Variants in FDFT1 observed in about 807,000 individuals in gnomAD.
FDFT1 encodes farnesyl-diphosphate farnesyltransferase 1, also known as squalene synthase.
In FDFT1, 68 loss-of-function variants were observed where a neutral mutation model predicts 46.8. The ratio of observed to expected loss-of-function variants is 1.45; its 90% CI spans 1.19 to 1.78. The LOEUF is 1.78. FDFT1 is among the 40% of genes most tolerant of loss of function. The pLI is 0.00. For missense variants in FDFT1, 928 were observed against 524.4 expected (o/e 1.77, Z -7.52); for synonymous variants, 351 against 185.1 (o/e 1.90, Z -7.28).
chr8:11,806,973 T>G (rs1488495800), intron 1 of FDFT1, among the ~76,000 whole-genome samples: 1 of 152,192 alleles, frequency 6.6e-6, no homozygotes, highest in Non-Finnish European at 1.5e-5. Context: ...ATTATGTGAT[T>G]TAAAAGATTG....
intron 1 of FDFT1, chr8:11,803,177 G>A (rs1041144896): frequency 1.4e-6 from 2 of 1,419,464 alleles, no homozygotes; most frequent in Non-Finnish European, 1.8e-6. Context: ...GTGGTTCCCG[G>A]TGGTTGCGCT....
At chr8:11,808,431 A>AGGGCGAGCCCGTCCCGCCCCTCGTC (rs1461244794) in intron 1 of FDFT1, 1 of 1,260,288 alleles carries the variant, frequency 7.9e-7, no homozygotes, top group African/African-American at 1.6e-5. Context: ...ATTCGAGTAG[A>AGGGCGAGCCCGTCCCGCCCCTCGTC]GGGCGAGCCC....
At chr8:11,823,056 G>A (rs1809483605) in intron 4 of FDFT1, among the ~76,000 whole-genome samples, 2 of 152,102 alleles carry the variant, frequency 1.3e-5, no homozygotes, top group African/African-American at 2.4e-5. Context: ...CTGGGCTCAG[G>A]TGATCCTCCC....
Position 11,830,510 on chromosome 8 carries a change from A to G in FDFT1, c.879+90A>G, listed in dbSNP as rs1407228818. On this transcript the variant is annotated intron_variant, in intron 6 of 7. Coordinates refer to ENST00000220584, the MANE Select transcript of FDFT1 (RefSeq NM_004462.5). ...ATTTTGCTGTGCTATATTCAAGGAT[A>G]TGATTCCTTAAAAAGACGATGACTC... The G allele has an allele frequency of 3.3e-6, 3 of 906,464 alleles. No individual in the cohort carries two copies. In the South Asian group the frequency reaches 4.6e-5, roughly 14 times the overall value. 56.2% of individuals were successfully genotyped at this position (906,464 alleles called of 1,614,324 possible). A position where few individuals can be genotyped will look rare whatever the true frequency, so the allele number is the denominator to read the frequency against.
intron 3 of FDFT1, among the ~76,000 whole-genome samples, chr8:11,818,537 G>C (rs1808781397): frequency 6.6e-6 from 1 of 152,104 alleles, no homozygotes; most frequent in Non-Finnish European, 1.5e-5. Context: ...TTATGAATCT[G>C]GGTGCTCCTG....
chr8:11,825,340 G>A (rs1158922418), intron 4 of FDFT1, among the ~76,000 whole-genome samples: 3 of 151,912 alleles, frequency 2.0e-5, no homozygotes, highest in Non-Finnish European at 2.9e-5. Flanking sequence ...TCAGGAGTTC[G>A]AGACCAGCGT....
chr8:11,802,355 C>T, upstream of FDFT1: 1 of 439,854 alleles, frequency 2.3e-6, no homozygotes. Context: ...GGAAGCAGCC[C>T]CGCACTGCTC....
chr8:11,835,430 A>G (rs950021023), intron 7 of FDFT1, among the ~76,000 whole-genome samples: 2 of 152,148 alleles, frequency 1.3e-5, no homozygotes, highest in Non-Finnish European at 2.9e-5. Context: ...GTTAGAAATG[A>G]TCATCAAAGG....
At chr8:11,829,787 C>T (rs1006042603) in intron 5 of FDFT1, among the ~76,000 whole-genome samples, 4 of 151,832 alleles carry the variant, frequency 2.6e-5, no homozygotes, top group South Asian at 2.1e-4. Context: ...ACTTGATCTT[C>T]GTGAAAGATG....
chr8:11,831,695 A>T (rs1810827335), intron 7 of FDFT1, 25 bp downstream of exon 7: 1 of 1,584,968 alleles, frequency 6.3e-7, no homozygotes, highest in African/African-American at 1.3e-5. Flanking sequence ...AACTACTTGG[A>T]TAATTTGTAG....
At chr8:11,823,206 C>G (rs1205898203) in intron 4 of FDFT1, among the ~76,000 whole-genome samples, 2 of 152,148 alleles carry the variant, frequency 1.3e-5, no homozygotes, top group African/African-American at 4.8e-5. Context: ...TCCTCCCACT[C>G]TGGCCTCTCA....
At chr8:11,822,082 C>G (rs748882129) in intron 4 of FDFT1, among the ~76,000 whole-genome samples, 4 of 152,096 alleles carry the variant, frequency 2.6e-5, no homozygotes, top group Non-Finnish European at 4.4e-5. Flanking sequence ...ATCAGCCAGG[C>G]TAGGAGTAGG....
chr8:11,797,496 T>C (rs1202671621), upstream of FDFT1, among the ~76,000 whole-genome samples: 2 of 147,528 alleles, frequency 1.4e-5, no homozygotes, highest in Admixed American at 6.9e-5. Context: ...CCTGCCACAT[T>C]GTAGATGTTC....
At chr8:11,800,646 A>T (rs992644444), upstream of FDFT1, among the ~76,000 whole-genome samples, 2 of 152,264 alleles carry the variant, frequency 1.3e-5, no homozygotes, top group African/African-American at 4.8e-5. Flanking sequence ...TAAGCATGCC[A>T]GGGCAAATAT....
chr8:11,811,821 GT>G (rs1807755387), intron 3 of FDFT1, among the ~76,000 whole-genome samples: 1 of 152,196 alleles, frequency 6.6e-6, no homozygotes, highest in East Asian at 1.9e-4. Context: ...TAAGTTGTGT[GT>G]TTTGCGTGCA....
intron 7 of FDFT1, among the ~76,000 whole-genome samples, chr8:11,836,690 C>T (rs1007466806): frequency 5.9e-5 from 9 of 152,246 alleles, no homozygotes; most frequent in Non-Finnish European, 1.3e-4. Context: ...AGAAGGATGA[C>T]TTCTAATAGA....
rs537188054 is a variant in FDFT1, at chr8:11,818,534, T to C, written c.382-3216T>C. On this transcript the variant is annotated intron_variant, in intron 3 of 7. Transcript: ENST00000220584. ...GGTCTCTAAGGACTTGCTTTATGAA[T>C]CTGGGTGCTCCTGTATTGGGTACAT... is the stretch of plus-strand genomic sequence containing the variant. Among the ~76,000 whole-genome samples the C allele has an allele frequency of 5.1e-4, 78 of 152,296 alleles. 2 individuals are homozygous for C. The South Asian group carries it at 0.015, about 29-fold the overall frequency.
At chr8:11,820,893 C>A (rs1809142663) in intron 3 of FDFT1, among the ~76,000 whole-genome samples, 1 of 152,208 alleles carries the variant, frequency 6.6e-6, no homozygotes, top group African/African-American at 2.4e-5. Flanking sequence ...CAACCAGTGC[C>A]AGTGAGATGA....
In FDFT1 at chr8:11,802,948, T is replaced by C. The variant is rs1426216165; in HGVS notation, c.99+17T>C. 1.9e-6 allele frequency: 3 copies of C among 1,586,370 alleles called. No homozygotes were observed. In the African/African-American group the frequency reaches 4.0e-5, roughly 21 times the overall value. ...ATGGACCAGGTGGGCCGAGCCTCCC[T>C]GCTTGCCCGGGGCGGGGAAGGAGCT... On this transcript the variant is annotated intron_variant, in intron 1 of 7. Transcript: ENST00000220584.
Sources: gnomAD v4.1 joint callset for allele counts (sites outside exome capture counted in the v4.1 genomes callset) on GRCh38, gnomAD v4.1.1 for gene constraint, MANE v1.5 for transcripts, NCBI Gene and HGNC (gene_info 2026-07-23, HGNC 2026-07-21) for gene names.